Variants in SLC60A2 observed in about 807,000 individuals in gnomAD.
SLC60A2 encodes the protein major facilitator superfamily domain containing 4B.
chr6:111,260,866 C>T, the SLC60A2 span, among the ~76,000 whole-genome samples: 1 of 152,356 alleles, frequency 6.6e-6, no homozygotes, highest in South Asian at 2.1e-4. Context: ...TCAGGCTTCT[C>T]TCGAAGTACG....
chr6:111,276,629 T>C, the SLC60A2 span, among the ~76,000 whole-genome samples: 1 of 152,222 alleles, frequency 6.6e-6, no homozygotes, highest in Admixed American at 6.5e-5. Context: ...ATGAACTTTC[T>C]TTTTTGTCCT....
chr6:111,264,518 G>A, the SLC60A2 span, among the ~76,000 whole-genome samples: 15,381 of 152,040 alleles, frequency 0.1, 1,009 homozygotes, highest in Middle Eastern at 0.19. Flanking sequence ...GGCCGGGTGC[G>A]GTGGCTCACA....
chr6:111,264,018 CTG>C, the SLC60A2 span: 1 of 757,080 alleles, frequency 1.3e-6, no homozygotes, highest in African/African-American at 1.7e-5. Flanking sequence ...TGATACTAAA[CTG>C]TCACTTGCAA....
At chr6:111,266,783 AGCCACTTCACCTCTTGATC>A in the SLC60A2 span, 1 of 1,614,114 alleles carries the variant, frequency 6.2e-7, no homozygotes, top group Non-Finnish European at 8.5e-7. Context: ...TATATAAATT[AGCCACTTCACCTCTTGATC>A]GCCAGCGAAA....
At chr6:111,275,313 C>A in the SLC60A2 span, among the ~76,000 whole-genome samples, 1 of 151,890 alleles carries the variant, frequency 6.6e-6, no homozygotes, top group African/African-American at 2.4e-5. Context: ...GGTTTTGATA[C>A]ATTTGGTTAT....
the SLC60A2 span, among the ~76,000 whole-genome samples, chr6:111,275,847 G>T: frequency 1.3e-5 from 2 of 152,078 alleles, no homozygotes; most frequent in Non-Finnish European, 2.9e-5. Flanking sequence ...TATTCACATT[G>T]TCTTACAACC....
chr6:111,272,001 T>C, the SLC60A2 span, among the ~76,000 whole-genome samples: 5 of 152,020 alleles, frequency 3.3e-5, no homozygotes, highest in Admixed American at 2.0e-4. Flanking sequence ...TGATTTATCA[T>C]GGCAATGTGT....
the SLC60A2 span, chr6:111,262,375 C>G: frequency 6.2e-7 from 1 of 1,613,956 alleles, no homozygotes; most frequent in Non-Finnish European, 8.5e-7. Context: ...TTGAGTGGCT[C>G]TGTGATTGGT....
the SLC60A2 span, among the ~76,000 whole-genome samples, chr6:111,263,185 C>T: frequency 6.6e-6 from 1 of 152,030 alleles, no homozygotes; most frequent in African/African-American, 2.4e-5. Context: ...GGATCAGCCT[C>T]CCAGAGTATT....
chr6:111,267,357 A>G, the SLC60A2 span: 2 of 407,774 alleles, frequency 4.9e-6, no homozygotes, highest in Admixed American at 8.1e-5. Context: ...TTGACATGTG[A>G]CTGATTAGGA....
chr6:111,267,964 CT>C, the SLC60A2 span: 3 of 152,236 alleles, frequency 2.0e-5, no homozygotes, highest in African/African-American at 7.2e-5. Context: ...CAAGCCTTGA[CT>C]TCTTCTAGCC....
At chr6:111,261,444 C>T in the SLC60A2 span, among the ~76,000 whole-genome samples, 3 of 151,960 alleles carry the variant, frequency 2.0e-5, no homozygotes, top group Non-Finnish European at 2.9e-5. Flanking sequence ...TGCGCCACCA[C>T]GCCTGGCTGA....
At chr6:111,279,087 C>T in the SLC60A2 span, among the ~76,000 whole-genome samples, 80 of 152,214 alleles carry the variant, frequency 5.3e-4, no homozygotes, top group Non-Finnish European at 8.2e-4. Context: ...AAAGTAACTC[C>T]TCCTCCCCAA....
chr6:111,274,330 G>A, the SLC60A2 span, among the ~76,000 whole-genome samples: 2 of 152,038 alleles, frequency 1.3e-5, no homozygotes, highest in Non-Finnish European at 2.9e-5. Flanking sequence ...GCCTGGTTTT[G>A]GTTTTGCTTT....
At chr6:111,273,210 G>A in the SLC60A2 span, among the ~76,000 whole-genome samples, 11,787 of 152,188 alleles carry the variant, frequency 0.077, 895 homozygotes, top group African/African-American at 0.2. Flanking sequence ...GAGTGCAGTC[G>A]CCTAATCATG....
At chr6:111,259,758 C>T in the SLC60A2 span, 49 of 1,554,788 alleles carry the variant, frequency 3.2e-5, no homozygotes, top group Middle Eastern at 3.4e-4. Flanking sequence ...ACTCCCAGGC[C>T]GGGGCGTTCG....
the SLC60A2 span, chr6:111,266,938 C>T: frequency 5.6e-5 from 90 of 1,613,930 alleles, 1 homozygote; most frequent in East Asian, 1.1e-4. Flanking sequence ...ATGATTGAAA[C>T]GAATGATACA....
At chr6:111,276,647 G>A in the SLC60A2 span, among the ~76,000 whole-genome samples, 4 of 152,168 alleles carry the variant, frequency 2.6e-5, no homozygotes, top group Admixed American at 2.0e-4. Context: ...CCTTGCAGTA[G>A]CAGGTACAGC....
At chr6:111,268,717 T>G in the SLC60A2 span, 18 of 152,210 alleles carry the variant, frequency 1.2e-4, no homozygotes, top group African/African-American at 4.3e-4. Context: ...GTAGTTACCG[T>G]AGGTCACGCT....
Sources: gnomAD v4.1 joint callset for allele counts (sites outside exome capture counted in the v4.1 genomes callset) on GRCh38, gnomAD v4.1.1 for gene constraint, MANE v1.5 for transcripts, NCBI Gene and HGNC (gene_info 2026-07-23, HGNC 2026-07-21) for gene names.